Variants in COL4A1 observed in about 807,000 individuals in gnomAD.
COL4A1 encodes collagen type IV alpha 1 chain, also known as collagen alpha-1(IV) chain.
COL4A1 carries 40 observed loss-of-function variants against 216.6 expected under a neutral mutation model. The observed-to-expected ratio is 0.18, with a 90% CI of 0.14 to 0.24. COL4A1 has a LOEUF of 0.24. Ranked by LOEUF, COL4A1 falls within the 10% of genes least tolerant of loss-of-function variation. The pLI, the probability that COL4A1 is intolerant of heterozygous loss-of-function variation, is 1.00. For synonymous variants in COL4A1, 839 were observed against 810.7 expected (o/e 1.03, Z -0.59); for missense variants, 1,628 against 2,196.8 (o/e 0.74, Z 5.18).
chr13:110,297,779 C>A (rs904019016), intron 1 of COL4A1, among the ~76,000 whole-genome samples: 2 of 152,204 alleles, frequency 1.3e-5, no homozygotes, highest in East Asian at 1.9e-4. Context: ...CAACCACCTG[C>A]ATATTTCCTA....
At chr13:110,301,133 G>C (rs1884473841) in intron 1 of COL4A1, among the ~76,000 whole-genome samples, 1 of 152,202 alleles carries the variant, frequency 6.6e-6, no homozygotes, top group South Asian at 2.1e-4. Flanking sequence ...TCCAAATTAA[G>C]GGGAAACACC....
Position 110,266,828 on chromosome 13 carries a change from C to T in COL4A1, c.85-24094G>A, listed in dbSNP as rs749661723. 4.9e-4 allele frequency among the ~76,000 whole-genome samples: 74 copies of T among 152,118 alleles called. 1 individual carries two copies. Among genetic ancestry groups the T allele is most frequent in the Admixed American group, 3.5e-3 (54 of 15,282 alleles). ...GTAATATGGAGAGGCAGTAAAACCA[C>T]GAATGTGGCAAAATGTAAGCAATTG... On this transcript the variant is annotated intron_variant, in intron 1 of 51. Transcript: ENST00000375820.
intron 1 of COL4A1, among the ~76,000 whole-genome samples, chr13:110,279,225 A>G (rs965807550): frequency 2.3e-4 from 35 of 152,082 alleles, no homozygotes; most frequent in African/African-American, 8.2e-4. Context: ...CTCCCTGCAC[A>G]TCTGATCTAT....
At chr13:110,266,511 A>G (rs1199822372) in intron 1 of COL4A1, among the ~76,000 whole-genome samples, 1 of 152,170 alleles carries the variant, frequency 6.6e-6, no homozygotes, top group Non-Finnish European at 1.5e-5. Context: ...TCATCTAGCA[A>G]AAGAACAGCA....
rs138524532 is a variant in COL4A1, at chr13:110,185,941, C to T, written c.1897+444G>A. Among the ~76,000 whole-genome samples the T allele has an allele frequency of 3.3e-4, 51 of 152,316 alleles. No homozygotes were observed. In the East Asian group the frequency reaches 7.7e-3, roughly 23 times the overall value. On this transcript the variant is annotated intron_variant, in intron 26 of 51. Transcript: ENST00000375820. Reference sequence around the variant, plus strand: ...AACTAAAACCACCATGGAATGAAATCGTCATCGCGCTGTAGGACCTCTAAA... The same window carrying T: ...AACTAAAACCACCATGGAATGAAATTGTCATCGCGCTGTAGGACCTCTAAA...
intron 4 of COL4A1, 139 bp downstream of exon 4, chr13:110,213,643 C>A (rs1879926700): frequency 1.2e-6 from 1 of 837,350 alleles, no homozygotes; most frequent in Admixed American, 2.0e-5. Flanking sequence ...CTGCCTCGCG[C>A]CTGCCTGCCC....
intron 2 of COL4A1, among the ~76,000 whole-genome samples, chr13:110,228,903 CAG>C (rs1290948377): frequency 6.6e-6 from 1 of 152,182 alleles, no homozygotes; most frequent in Non-Finnish European, 1.5e-5. Flanking sequence ...AAACCACAGA[CAG>C]TGAGGAAAAT....
At chr13:110,226,822 T>G (rs1210634193) in intron 2 of COL4A1, among the ~76,000 whole-genome samples, 2 of 152,238 alleles carry the variant, frequency 1.3e-5, no homozygotes, top group South Asian at 2.1e-4. Flanking sequence ...TTTTCTTTTG[T>G]GTTTTGCTTA....
chr13:110,219,692 A>ATATATG lies in COL4A1; in HGVS notation c.145-5678_145-5677insCATATA, dbSNP rs1555307886. On this transcript the variant is annotated intron_variant, in intron 2 of 51. Coordinates refer to ENST00000375820, the MANE Select transcript of COL4A1 (RefSeq NM_001845.6). ...TATATATATATGTGTATATATATGT[A>ATATATG]TATATATGTATATACATATGTGTAT... 1.2e-4 allele frequency among the ~76,000 whole-genome samples: 11 copies of ATATATG among 93,982 alleles called. No individual in the cohort carries two copies. In the East Asian group the frequency reaches 3.0e-3, roughly 26 times the overall value. 61.7% of individuals were successfully genotyped at this position (93,982 alleles called of 152,430 possible).
chr13:110,205,805 G>A lies in COL4A1; in HGVS notation c.859-267C>T, dbSNP rs1879483773. Among the ~76,000 whole-genome samples the A allele has an allele frequency of 1.3e-5, 2 of 151,620 alleles. 1 individual carries two copies. Among genetic ancestry groups the A allele is most frequent in the South Asian group, 4.2e-4 (2 of 4,798 alleles). On this transcript the variant is annotated intron_variant, in intron 15 of 51. Coordinates refer to ENST00000375820, the MANE Select transcript of COL4A1 (RefSeq NM_001845.6). ...TTGAACCCAGGAGGCGGAGGTTGCA[G>A]TGAGCCGAGATCACACCATTGCACT...
chr13:110,257,631 C>T (rs1270480561), intron 1 of COL4A1, among the ~76,000 whole-genome samples: 1 of 152,178 alleles, frequency 6.6e-6, no homozygotes, highest in Admixed American at 6.5e-5. Context: ...CCCTGTGAGA[C>T]ACTGTGGTTA....
chr13:110,280,991 T>C lies in COL4A1; in HGVS notation c.84+25953A>G, dbSNP rs192246708. On this transcript the variant is annotated intron_variant, in intron 1 of 51. Transcript: ENST00000375820. Reference sequence around the variant, plus strand: ...CCAATTCCTTTGGATCAGTAAAATATGGCTTTTCTCCTCACCCCAACCATG... The same window carrying C: ...CCAATTCCTTTGGATCAGTAAAATACGGCTTTTCTCCTCACCCCAACCATG... Among the ~76,000 whole-genome samples the C allele has an allele frequency of 8.1e-4, 123 of 152,328 alleles. 1 individual carries two copies. The highest frequency in any genetic ancestry group is 4.8e-3 in the Admixed American group (74 of 15,302).
At chr13:110,224,818 C>T (rs970319206) in intron 2 of COL4A1, among the ~76,000 whole-genome samples, 6 of 151,718 alleles carry the variant, frequency 4.0e-5, no homozygotes, top group African/African-American at 1.5e-4. Context: ...CGTTGTGGAA[C>T]AAAACGAGGA....
In COL4A1 at chr13:110,235,658, C is replaced by CAAAA. The variant is rs4000273; in HGVS notation, c.144+7013_144+7016dup. Among the ~76,000 whole-genome samples the CAAAA allele has an allele frequency of 4.6e-5, 6 of 129,574 alleles. 1 individual carries two copies. Among genetic ancestry groups the CAAAA allele is most frequent in the Non-Finnish European group, 8.0e-5 (5 of 62,588 alleles). 85.0% of individuals were successfully genotyped at this position (129,574 alleles called of 152,430 possible). On this transcript the variant is annotated intron_variant, in intron 2 of 51. Coordinates refer to ENST00000375820, the MANE Select transcript of COL4A1 (RefSeq NM_001845.6). ...TGGGCGACAGAGTAAGACTCTGTCT[C>CAAAA]AAAAAAAAAAAAAAGAAGATATGCA... is the stretch of plus-strand genomic sequence containing the variant.
chr13:110,191,714 A>G, intron 24 of COL4A1: 1 of 663,004 alleles, frequency 1.5e-6, no homozygotes, highest in Non-Finnish European at 2.7e-6. Context: ...CATATTTCTA[A>G]TCCTCAGAGG....
chr13:110,246,602 A>G (rs1359544164), intron 1 of COL4A1, among the ~76,000 whole-genome samples: 4 of 152,224 alleles, frequency 2.6e-5, no homozygotes, highest in Non-Finnish European at 5.9e-5. Flanking sequence ...GGACTCCCAG[A>G]AAAATCTAAA....
chr13:110,234,408 C>G lies in COL4A1; in HGVS notation c.144+8267G>C, dbSNP rs377044065. Among the ~76,000 whole-genome samples the G allele has an allele frequency of 6.6e-4, 101 of 152,100 alleles. 1 individual carries two copies. In the South Asian group the frequency reaches 0.018, roughly 27 times the overall value. ...ACCAGCCTGGCCAACATGGTGAAACCCTGTCTCTACTAAAACTACAAAAAT... is the reference window on the plus strand; with the variant it reads ...ACCAGCCTGGCCAACATGGTGAAACGCTGTCTCTACTAAAACTACAAAAAT... On this transcript the variant is annotated intron_variant, in intron 2 of 51. Transcript: ENST00000375820.
chr13:110,266,441 C>T (rs1433619395), intron 1 of COL4A1, among the ~76,000 whole-genome samples: 2 of 152,192 alleles, frequency 1.3e-5, no homozygotes, highest in African/African-American at 2.4e-5. Flanking sequence ...CCTGGAGTCA[C>T]GCTAGCAGAA....
At chr13:110,208,382 C>G (rs1879615896) in intron 12 of COL4A1, among the ~76,000 whole-genome samples, 1 of 152,210 alleles carries the variant, frequency 6.6e-6, no homozygotes, top group Admixed American at 6.5e-5. Flanking sequence ...TCCTAATTCT[C>G]CTGGTGGTGG....
Sources: allele counts gnomAD v4.1 joint callset (sites outside exome capture counted in the v4.1 genomes callset), GRCh38; gene constraint gnomAD v4.1.1; transcripts MANE v1.5; gene names NCBI Gene and HGNC (gene_info 2026-07-23, HGNC 2026-07-21).